The following ZNF10 variants were observed in gnomAD, a reference collection of about 807,000 sequenced individuals.
The protein encoded by ZNF10 is zinc finger protein 10, also known as zinc finger protein 10 (KOX 1).
A neutral mutation model predicts 12.2 loss-of-function variants in ZNF10; 8 were observed. That is an observed-to-expected ratio of 0.66 (90% confidence interval 0.39 to 1.18). ZNF10 has a LOEUF of 1.18. Among genes scored for constraint, ZNF10 ranks in the 50% most tolerant of loss-of-function variants. The probability of loss-of-function intolerance (pLI) is 0.01; values close to 1 mark genes in which losing one functional copy is unlikely to be tolerated. For synonymous variants in ZNF10, 229 were observed against 228.2 expected (o/e 1.00, Z -0.03); for missense variants, 603 against 678.9 (o/e 0.89, Z 1.24).
At chr12:133,145,365 A>G (rs1955969267) in intron 2 of ZNF10, among the ~76,000 whole-genome samples, 1 of 152,186 alleles carries the variant, frequency 6.6e-6, no homozygotes, top group African/African-American at 2.4e-5. Flanking sequence ...TACATGCTGG[A>G]CTGCAGCAGA....
At chr12:133,151,197 TCAAAAGGTACAGAGACCCTGAAG>T in intron 3 of ZNF10, 43 bp downstream of exon 3, 1 of 1,588,874 alleles carries the variant, frequency 6.3e-7, no homozygotes, top group Non-Finnish European at 8.6e-7. Context: ...TCTCCATTGA[TCAAAAGGTACAGAGACCCTGAAG>T]CATGTATCAC....
At position 133,158,219 on chromosome 12, in the gene ZNF10, C is replaced by T. The variant is rs1463941392; in HGVS notation, c.*1251C>T. 2 of 152,178 alleles carry T rather than the reference C, an allele frequency of 1.3e-5. No individual in the cohort carries two copies. The highest frequency in any genetic ancestry group is 3.8e-4 in the East Asian group (2 of 5,196). 9.4% of individuals were successfully genotyped at this position (152,178 alleles called of 1,614,324 possible). On this transcript the variant is annotated 3_prime_UTR_variant, in exon 5 of 5. Transcript: ENST00000248211. ...GTATTAAATGAGTAAATGGAAACAGCTTAGAATAGTGCCTGACATATATTA... is the reference window on the plus strand; with the variant it reads ...GTATTAAATGAGTAAATGGAAACAGTTTAGAATAGTGCCTGACATATATTA...
Position 133,156,854 on chromosome 12 carries a change from A to G in ZNF10, c.1608A>G (p.Gln536=), listed in dbSNP as rs776605537. 2.0e-6 allele frequency: 3 copies of G among 1,529,560 alleles called. No homozygotes were observed. Among genetic ancestry groups the G allele is most frequent in the East Asian group, 2.3e-5 (1 of 44,296 alleles). 94.7% of individuals were successfully genotyped at this position (1,529,560 alleles called of 1,614,324 possible). ...FSQNSPFIVH[Q]IAHTGEQFLT... Reference sequence around the variant, plus strand: ...AGAACTCTCCATTTATAGTTCATCAAATAGCTCACACTGGAGAGCAGTTCT... The same window carrying G: ...AGAACTCTCCATTTATAGTTCATCAGATAGCTCACACTGGAGAGCAGTTCT... The change falls in exon 5 of 5, where the codon CAA becomes CAG. Residue 536 remains glutamine, a synonymous_variant. Transcript: ENST00000248211.
intron 4 of ZNF10, among the ~76,000 whole-genome samples, chr12:133,152,603 A>G (rs1956015770): frequency 1.3e-5 from 2 of 152,100 alleles, no homozygotes; most frequent in South Asian, 2.1e-4. Context: ...TTTAGGAGAG[A>G]TAGGGTTTTA....
At position 133,157,046 on chromosome 12, in the gene ZNF10, G is replaced by T; in HGVS notation, c.*78G>T. On this transcript the variant is annotated 3_prime_UTR_variant, in exon 5 of 5. Coordinates refer to ENST00000248211, the MANE Select transcript of ZNF10 (RefSeq NM_015394.5). The stretch of plus-strand genomic sequence containing the variant: ...CTCCTGGAGATAAGCTGTACAAATT[G>T]AATCTATGTGGAAATGCTTTCAGTC... 3.2e-6 allele frequency: 4 copies of T among 1,257,722 alleles called. No individual in the cohort carries two copies. In the South Asian group the frequency reaches 8.5e-5, roughly 27 times the overall value. 77.9% of individuals were successfully genotyped at this position (1,257,722 alleles called of 1,614,324 possible). A position where few individuals can be genotyped will look rare whatever the true frequency, so the allele number is the denominator to read the frequency against.
chr12:133,153,969 A>G (rs576625063), intron 4 of ZNF10, among the ~76,000 whole-genome samples: 73 of 151,904 alleles, frequency 4.8e-4, no homozygotes, highest in Non-Finnish European at 9.7e-4. Flanking sequence ...TGTCTTTTTT[A>G]TGGAGGACCA....
chr12:133,156,661 A>C lies in ZNF10; in HGVS notation c.1415A>C (p.Gln472Pro). 1.2e-6 allele frequency: 2 copies of C among 1,614,122 alleles called. No individual in the cohort carries two copies. The highest frequency in any genetic ancestry group is 1.7e-6 in the Non-Finnish European group (2 of 1,180,010). The change falls in exon 5 of 5, where the codon CAG becomes CCG. Residue 472 changes from glutamine to proline, a missense_variant. Around this residue, in one of 3 missense-constraint regions of ZNF10, gnomAD observed 204 missense variants for 262.8 expected, o/e 0.78. Coordinates refer to ENST00000248211, the MANE Select transcript of ZNF10 (RefSeq NM_015394.5). ...ECHDCGKSFS[Q>P]SSALIVHQRI... ...CATGATTGTGGAAAATCTTTCAGCCAGAGTTCTGCCCTTATTGTGCATCAG... is the reference window on the plus strand; with the variant it reads ...CATGATTGTGGAAAATCTTTCAGCCCGAGTTCTGCCCTTATTGTGCATCAG...
chr12:133,134,496 C>T (rs1187509085), intron 1 of ZNF10, among the ~76,000 whole-genome samples: 2 of 152,120 alleles, frequency 1.3e-5, no homozygotes, highest in African/African-American at 4.8e-5. Context: ...CTAGAGCCTC[C>T]AGAAGGAACA....
chr12:133,155,441 C>T, intron 4 of ZNF10, 62 bp from the exon 5 acceptor site: 3 of 1,490,674 alleles, frequency 2.0e-6, no homozygotes, highest in South Asian at 2.8e-5. Flanking sequence ...TCTCCACATA[C>T]ATCCTAGCAT....
At position 133,130,635 on chromosome 12, in the gene ZNF10, C is replaced by G. The variant is rs567728416; in HGVS notation, c.-179C>G. 6.6e-6 allele frequency: 1 copy of G among 152,404 alleles called. No homozygotes were observed. Among genetic ancestry groups the G allele is most frequent in the African/African-American group, 2.4e-5 (1 of 41,470 alleles). 9.4% of individuals were successfully genotyped at this position (152,404 alleles called of 1,614,324 possible). A position where few individuals can be genotyped will look rare whatever the true frequency, so the allele number is the denominator to read the frequency against. ...CGTGCCGAGCCGGCCTCAGACTCAC[C>G]TCTGACGCCGCTCTTCGCGCTCCGC... On this transcript the variant is annotated 5_prime_UTR_variant, in exon 1 of 5. Coordinates refer to ENST00000248211, the MANE Select transcript of ZNF10 (RefSeq NM_015394.5).
chr12:133,140,426 G>A (rs1035404396), intron 1 of ZNF10, among the ~76,000 whole-genome samples: 7 of 134,862 alleles, frequency 5.2e-5, no homozygotes, highest in African/African-American at 1.2e-4. Context: ...GTCACTAGAC[G>A]TCTTTTTTTT....
At chr12:133,144,646 G>A in intron 2 of ZNF10, 121 bp downstream of exon 2, 1 of 999,930 alleles carries the variant, frequency 1.0e-6, no homozygotes, top group Non-Finnish European at 1.5e-6. Flanking sequence ...TTTTTGTTTT[G>A]TTTCCAGGTG....
At chr12:133,133,702 C>T (rs1411214750) in intron 1 of ZNF10, among the ~76,000 whole-genome samples, 1 of 152,076 alleles carries the variant, frequency 6.6e-6, no homozygotes, top group Non-Finnish European at 1.5e-5. Flanking sequence ...GGGTCCAGAA[C>T]GTTGTTGTGA....
chr12:133,149,753 TAA>T (rs1955996889), intron 2 of ZNF10, among the ~76,000 whole-genome samples: 1 of 152,166 alleles, frequency 6.6e-6, no homozygotes, highest in Non-Finnish European at 1.5e-5. Context: ...CAATTGGATT[TAA>T]GTGTGTTATT....
chr12:133,135,406 T>C (rs928396470), intron 1 of ZNF10, among the ~76,000 whole-genome samples: 3 of 150,256 alleles, frequency 2.0e-5, no homozygotes, highest in Non-Finnish European at 4.4e-5. Context: ...TAAATAATGC[T>C]GGACATCATC....
Position 133,157,089 on chromosome 12 carries a change from C to A in ZNF10, c.*121C>A. On this transcript the variant is annotated 3_prime_UTR_variant, in exon 5 of 5. Transcript: ENST00000248211. ...TTTCAGTCTTGTTACTATCCTATTG[C>A]ACATTAGAGAATTGGTCCTGGAAGG... is the stretch of plus-strand genomic sequence containing the variant. 1 of 894,096 alleles carries A rather than the reference C, an allele frequency of 1.1e-6. No individual in the cohort carries two copies. The highest frequency in any genetic ancestry group is 1.5e-6 in the Non-Finnish European group (1 of 664,120). 55.4% of individuals were successfully genotyped at this position (894,096 alleles called of 1,614,324 possible). A position where few individuals can be genotyped will look rare whatever the true frequency, so the allele number is the denominator to read the frequency against.
chr12:133,156,574 G>A lies in ZNF10; in HGVS notation c.1328G>A (p.Ser443Asn). The A allele has an allele frequency of 1.2e-6, 2 of 1,613,626 alleles. No homozygotes were observed. The highest frequency in any genetic ancestry group is 1.7e-4 in the Middle Eastern group (1 of 6,060). The change falls in exon 5 of 5, where the codon AGT (serine) becomes AAT (asparagine). Residue 443 changes from serine (S) to asparagine (N), a missense_variant. By Grantham distance (46) the Ser-to-Asn change is conservative. Coordinates refer to ENST00000248211, the MANE Select transcript of ZNF10 (RefSeq NM_015394.5). Reference sequence around the variant, plus strand: ...TGTAAGGATTGTGGAAAATGTTTTAGTCGAAGCTCTCACCTTTATTCACAT... The same window carrying A: ...TGTAAGGATTGTGGAAAATGTTTTAATCGAAGCTCTCACCTTTATTCACAT... ...FECKDCGKCF[S>N]RSSHLYSHQR...
chr12:133,142,368 C>T (rs1307379612), intron 1 of ZNF10, among the ~76,000 whole-genome samples: 3 of 142,810 alleles, frequency 2.1e-5, no homozygotes, highest in Non-Finnish European at 4.5e-5. Flanking sequence ...TGAGATCTTG[C>T]CACTGCACTC....
intron 1 of ZNF10, among the ~76,000 whole-genome samples, chr12:133,132,811 T>G (rs1566342530): frequency 6.6e-6 from 1 of 152,236 alleles, no homozygotes; most frequent in Non-Finnish European, 1.5e-5. Context: ...TTCAAAATTT[T>G]ATTATGAAGA....
Sources: allele counts gnomAD v4.1 joint callset (sites outside exome capture counted in the v4.1 genomes callset), GRCh38; gene constraint gnomAD v4.1.1; regional missense constraint gnomAD v4.1.1; transcripts MANE v1.5; gene names NCBI Gene and HGNC (gene_info 2026-07-23, HGNC 2026-07-21).